DCAF17: variants seen among roughly 807,000 people sequenced by gnomAD.
The protein encoded by DCAF17 is DDB1 and CUL4 associated factor 17.
DCAF17 carries 48 observed loss-of-function variants against 66.0 expected under a neutral mutation model. That is an observed-to-expected ratio of 0.73 (90% CI 0.58 to 0.92). The LOEUF is 0.92. Among genes scored for constraint, DCAF17 ranks in the 40% least tolerant of loss-of-function variants. The probability of loss-of-function intolerance (pLI) is 0.00; values close to 1 mark genes in which losing one functional copy is unlikely to be tolerated. For missense variants in DCAF17, 562 were observed against 622.8 expected, an observed-to-expected ratio of 0.90 and a Z score of 1.04; for synonymous variants, 206 against 214.6, an observed-to-expected ratio of 0.96 and a Z score of 0.35.
chr2:171,484,749 C>G lies in DCAF17; in HGVS notation c.*3635C>G. The G allele has an allele frequency of 2.2e-6, 1 of 453,996 alleles. No homozygotes were observed. The highest frequency in any genetic ancestry group is 4.4e-6 in the Non-Finnish European group (1 of 226,762). 28.1% of individuals were successfully genotyped at this position (453,996 alleles called of 1,614,324 possible). ...CCTAAATCCCTCTCCCAGTCTATCC[C>G]CTCCCCACCCCTCAGGTATAACTAC... is the stretch of plus-strand genomic sequence containing the variant. On this transcript the variant is annotated 3_prime_UTR_variant, in exon 14 of 14. Transcript: ENST00000375255.
intron 13 of DCAF17, among the ~76,000 whole-genome samples, chr2:171,480,532 A>G (rs1204002660): frequency 6.6e-6 from 1 of 152,216 alleles, no homozygotes; most frequent in Non-Finnish European, 1.5e-5. Context: ...ATTATTTACT[A>G]GAGACCATAT....
chr2:171,451,003 T>C (rs559825523), intron 5 of DCAF17, among the ~76,000 whole-genome samples: 1 of 151,454 alleles, frequency 6.6e-6, no homozygotes, highest in East Asian at 1.9e-4. Flanking sequence ...ATTTCTGTAA[T>C]ATGGACTGGC....
chr2:171,457,568 A>G (rs1235024647), intron 6 of DCAF17, among the ~76,000 whole-genome samples: 1 of 152,246 alleles, frequency 6.6e-6, no homozygotes, highest in Non-Finnish European at 1.5e-5. Context: ...TATTTTATAA[A>G]GAACATTTTA....
intron 5 of DCAF17, among the ~76,000 whole-genome samples, chr2:171,451,141 G>C (rs1034367067): frequency 6.6e-6 from 1 of 151,106 alleles, no homozygotes. Context: ...TCCCATACAT[G>C]CTGGGTCTGT....
intron 8 of DCAF17, among the ~76,000 whole-genome samples, chr2:171,459,409 A>T (rs1695449800): frequency 6.6e-6 from 1 of 152,232 alleles, no homozygotes; most frequent in Admixed American, 6.5e-5. Flanking sequence ...CAGGAATCCA[A>T]GGATGGTTTA....
chr2:171,443,543 A>C lies in DCAF17; in HGVS notation c.251A>C (p.Lys84Thr), dbSNP rs752749215. Residue 84 changes from lysine to threonine, a missense_variant, in exon 3 of 14, where the codon AAA becomes ACA. Lys to Thr is a moderately conservative substitution (Grantham distance 78). This residue lies in a region of DCAF17 where 348 missense variants were observed against 355.9 expected (regional missense o/e 0.98). Coordinates refer to ENST00000375255, the MANE Select transcript of DCAF17 (RefSeq NM_025000.4). ...CCCAGTGTTGCATCTGAGCCAAGAAAACTTTATGAAATGCCAAAATGTTCC... is the reference window on the plus strand; with the variant it reads ...CCCAGTGTTGCATCTGAGCCAAGAACACTTTATGAAATGCCAAAATGTTCC... ...CVSSVASEPR[K>T]LYEMPKCSKS... The C allele has an allele frequency of 6.2e-7, 1 of 1,612,940 alleles. No homozygotes were observed. The highest frequency in any genetic ancestry group is 8.5e-7 in the Non-Finnish European group (1 of 1,179,372).
Position 171,458,670 on chromosome 2 carries a change from CA to C in DCAF17, c.838+196del, listed in dbSNP as rs575154541. Among the ~76,000 whole-genome samples the C allele has an allele frequency of 2.0e-5, 3 of 152,238 alleles. No individual in the cohort carries two copies. The South Asian group carries it at 6.2e-4, about 32-fold the overall frequency. Reference sequence around the variant, plus strand: ...AAAATCTGTCAGTTATTCATTGAACCAAAGGCCTGGGGATGCTGAGCCTTGC... The same window carrying C: ...AAAATCTGTCAGTTATTCATTGAACCAAGGCCTGGGGATGCTGAGCCTTGC... On this transcript the variant is annotated intron_variant, in intron 8 of 13. Transcript: ENST00000375255.
At chr2:171,451,515 A>T (rs1019756689) in intron 5 of DCAF17, among the ~76,000 whole-genome samples, 1 of 152,236 alleles carries the variant, frequency 6.6e-6, no homozygotes, top group Admixed American at 6.5e-5. Context: ...TGAGAATTCT[A>T]AAGTGTCTTG....
intron 3 of DCAF17, 65 bp from the exon 4 acceptor site, chr2:171,448,616 A>G: frequency 7.0e-7 from 1 of 1,421,278 alleles, no homozygotes; most frequent in Non-Finnish European, 9.4e-7. Context: ...TTCTTTGGAC[A>G]TTGATTACTG....
intron 3 of DCAF17, among the ~76,000 whole-genome samples, chr2:171,445,551 G>A (rs1694568913): frequency 6.6e-6 from 1 of 152,156 alleles, no homozygotes; most frequent in Non-Finnish European, 1.5e-5. Context: ...TTAAGTTAGT[G>A]TCCATCTTTT....
At chr2:171,445,930 G>A (rs62183494) in intron 3 of DCAF17, among the ~76,000 whole-genome samples, 30,688 of 151,742 alleles carry the variant, frequency 0.2, 3,247 homozygotes, top group South Asian at 0.28. Context: ...TGATCTGCCC[G>A]CCTTGGCCTC....
At chr2:171,457,522 G>A (rs146132754) in intron 6 of DCAF17, among the ~76,000 whole-genome samples, 18 of 152,200 alleles carry the variant, frequency 1.2e-4, no homozygotes, top group African/African-American at 4.1e-4. Context: ...GACTATCCAG[G>A]GGCTGGGCAC....
At chr2:171,448,455 G>A (rs1476995289) in intron 3 of DCAF17, among the ~76,000 whole-genome samples, 1 of 151,846 alleles carries the variant, frequency 6.6e-6, no homozygotes, top group East Asian at 1.9e-4. Flanking sequence ...AATTATTTCA[G>A]GCCATGTTTA....
At chr2:171,458,322 T>G (rs1375735142) in intron 7 of DCAF17, 50 bp from the exon 8 acceptor site, 1 of 1,452,962 alleles carries the variant, frequency 6.9e-7, no homozygotes, top group Admixed American at 1.7e-5. Context: ...TCTCCAGATA[T>G]CAAATAAATA....
chr2:171,480,971 C>G lies in DCAF17; in HGVS notation c.1423-3C>G, dbSNP rs1337891622. On this transcript the variant is annotated splice_polypyrimidine_tract_variant and splice_region_variant and intron_variant, in intron 13 of 13. Coordinates refer to ENST00000375255, the MANE Select transcript of DCAF17 (RefSeq NM_025000.4). ...GACTCCATATGATTGTGTTTTGTTA[C>G]AGACATATAGCCATGAAGTCTACTT... is the stretch of plus-strand genomic sequence containing the variant. 1 of 1,613,476 alleles carries G rather than the reference C, an allele frequency of 6.2e-7. No homozygotes were observed. Among genetic ancestry groups the G allele is most frequent in the Non-Finnish European group, 8.5e-7 (1 of 1,179,588 alleles).
chr2:171,458,958 A>T (rs6720250), intron 8 of DCAF17, among the ~76,000 whole-genome samples: 30,664 of 152,178 alleles, frequency 0.2, 3,244 homozygotes, highest in South Asian at 0.28. Flanking sequence ...ATTATATACA[A>T]GTCTATAAAT....
In DCAF17 at chr2:171,453,106, TGTA is replaced by T. The variant is rs1695047863; in HGVS notation, c.538-15_538-13del. On this transcript the variant is annotated splice_polypyrimidine_tract_variant and intron_variant, in intron 5 of 13. Transcript: ENST00000375255. The stretch of plus-strand genomic sequence containing the variant: ...AGTACTTTTGAGAGCTGCGTGTAAT[TGTA>T]GTCTTTCCTTCTAGGCAGGCATTCA... 6.3e-7 allele frequency: 1 copy of T among 1,580,082 alleles called. No individual in the cohort carries two copies. Among genetic ancestry groups the T allele is most frequent in the Admixed American group, 1.8e-5 (1 of 56,440 alleles).
intron 6 of DCAF17, among the ~76,000 whole-genome samples, chr2:171,455,117 T>C (rs1695178255): frequency 6.9e-6 from 1 of 145,358 alleles, no homozygotes; most frequent in Non-Finnish European, 1.5e-5. Context: ...TTTTTCCTGA[T>C]CCTTTCCCTC....
intron 2 of DCAF17, among the ~76,000 whole-genome samples, chr2:171,436,091 C>G (rs1693922994): frequency 6.6e-6 from 1 of 152,184 alleles, no homozygotes; most frequent in Non-Finnish European, 1.5e-5. Context: ...AATATATGGT[C>G]TTTTGTAACT....
Sources: allele counts gnomAD v4.1 joint callset (sites outside exome capture counted in the v4.1 genomes callset), GRCh38; gene constraint gnomAD v4.1.1; regional missense constraint gnomAD v4.1.1; transcripts MANE v1.5; gene names NCBI Gene and HGNC (gene_info 2026-07-23, HGNC 2026-07-21).